Variants in KLHL26 observed in about 807,000 individuals in gnomAD.
The protein encoded by KLHL26 is kelch like family member 26, also known as kelch-like protein 26.
Under a neutral mutation model 7.1 loss-of-function variants are expected in KLHL26, and 4 were observed. The ratio of observed to expected loss-of-function variants is 0.56; its 90% CI spans 0.28 to 1.28. The LOEUF is 1.28. Ranked by LOEUF, KLHL26 falls within the 50% of genes most tolerant of loss-of-function variation. The probability of loss-of-function intolerance (pLI) is 0.11; values close to 1 mark genes in which losing one functional copy is unlikely to be tolerated. For missense variants in KLHL26, 896 were observed against 924.6 expected (o/e 0.97, Z 0.40); for synonymous variants, 465 against 414.1 (o/e 1.12, Z -1.49).
intron 1 of KLHL26, among the ~76,000 whole-genome samples, chr19:18,643,989 A>G (rs1976759522): frequency 6.6e-6 from 1 of 152,202 alleles, no homozygotes; most frequent in African/African-American, 2.4e-5. Flanking sequence ...ACATTCACAG[A>G]ATTGTGCAAC....
chr19:18,639,291 G>A (rs751271099), intron 1 of KLHL26, among the ~76,000 whole-genome samples: 1 of 151,672 alleles, frequency 6.6e-6, no homozygotes, highest in Non-Finnish European at 1.5e-5. Flanking sequence ...GGCCAGGCAG[G>A]TCTGGCATTC....
chr19:18,639,403 GTTT>G (rs34034254), intron 1 of KLHL26, among the ~76,000 whole-genome samples: 1 of 71,228 alleles, frequency 1.4e-5, no homozygotes, highest in African/African-American at 5.8e-5. Context: ...TTATCATTAA[GTTT>G]TTTTTTTTTT....
intron 2 of KLHL26, chr19:18,667,265 C>T (rs1272434418): frequency 3.6e-6 from 1 of 279,472 alleles, no homozygotes; most frequent in Non-Finnish European, 7.0e-6. Context: ...GAACTCCTGA[C>T]ATCAGGTGAT....
rs570612464 is a variant in KLHL26, at chr19:18,646,418, G to C, written c.83+9281G>C. Reference sequence around the variant, plus strand: ...ATTACAGGCATGAGCCAGTGCGCCCGGCCTCATGCCCCTTTCAGAAGGAGG... The same window carrying C: ...ATTACAGGCATGAGCCAGTGCGCCCCGCCTCATGCCCCTTTCAGAAGGAGG... On this transcript the variant is annotated intron_variant, in intron 1 of 2. Transcript: ENST00000300976. The surrounding 1 kb of genome is among the most constrained non-coding windows in gnomAD (Gnocchi z 5.0). Among the ~76,000 whole-genome samples the C allele has an allele frequency of 6.6e-6, 1 of 152,166 alleles. No homozygotes were observed. The highest frequency in any genetic ancestry group is 6.5e-5 in the Admixed American group (1 of 15,278).
chr19:18,667,801 A>G lies in KLHL26; in HGVS notation c.404A>G (p.Asp135Gly), dbSNP rs1484876656. ...ACACTGGACCTGGACTGCGTGCAGG[A>G]CGTGCTGGGCGCGGCCGTGTTCTTG... ...EVTLDLDCVQDVLGAAVFLQM... is the reference protein window; with the variant it reads ...EVTLDLDCVQGVLGAAVFLQM... The change falls in exon 3 of 3, where the codon GAC (aspartate) becomes GGC (glycine). Residue 135 changes from aspartate to glycine, a missense_variant. Physicochemically the swap from Asp to Gly is moderately conservative, Grantham distance 94 (BLOSUM62 -1). Transcript: ENST00000300976. 3.7e-6 allele frequency: 6 copies of G among 1,613,296 alleles called. No individual in the cohort carries two copies. Among genetic ancestry groups the G allele is most frequent in the Non-Finnish European group, 5.1e-6 (6 of 1,179,988 alleles).
chr19:18,665,714 T>A (rs2145408968), intron 2 of KLHL26, among the ~76,000 whole-genome samples: 1 of 151,642 alleles, frequency 6.6e-6, no homozygotes, highest in East Asian at 1.9e-4. Context: ...GGGTGGGGGG[T>A]GCTTTCTCCT....
Position 18,649,176 on chromosome 19 carries a change from A to G in KLHL26, c.83+12039A>G, listed in dbSNP as rs1976856906. ...CCACTGCTCGCCCTGTCGTCATGGT[A>G]CATTCTCTGCTTGAGGACCCATGTC... On this transcript the variant is annotated intron_variant, in intron 1 of 2. Coordinates refer to ENST00000300976, the MANE Select transcript of KLHL26 (RefSeq NM_018316.3). The surrounding 1 kb of genome is among the most constrained non-coding windows in gnomAD (Gnocchi z 4.0). Among the ~76,000 whole-genome samples, 1 of 152,176 alleles carries G rather than the reference A, an allele frequency of 6.6e-6. No individual in the cohort carries two copies. The highest frequency in any genetic ancestry group is 1.5e-5 in the Non-Finnish European group (1 of 68,042).
chr19:18,650,463 C>T lies in KLHL26; in HGVS notation c.83+13326C>T, dbSNP rs1355016904. On this transcript the variant is annotated intron_variant, in intron 1 of 2. Transcript: ENST00000300976. This position sits in a 1 kb window ranked among gnomAD's most constrained non-coding sequence, Gnocchi z 4.2. Reference sequence around the variant, plus strand: ...CTGAAAAACTTCCAGGACTGAAGTTCGAGTTGGAAGCACGCGTTCTCCTTG... The same window carrying T: ...CTGAAAAACTTCCAGGACTGAAGTTTGAGTTGGAAGCACGCGTTCTCCTTG... Among the ~76,000 whole-genome samples the T allele has an allele frequency of 2.0e-5, 3 of 152,116 alleles. No homozygotes were observed. The highest frequency in any genetic ancestry group is 6.5e-5 in the Admixed American group (1 of 15,272).
At chr19:18,653,401 C>T (rs1038900722) in intron 1 of KLHL26, among the ~76,000 whole-genome samples, 1 of 139,356 alleles carries the variant, frequency 7.2e-6, no homozygotes, top group African/African-American at 2.7e-5. Context: ...CACCCACCCA[C>T]CTGCCCCTAT....
chr19:18,669,055 G>T lies in KLHL26; in HGVS notation c.1658G>T (p.Gly553Val). 6.2e-7 allele frequency: 1 copy of T among 1,612,802 alleles called. No individual in the cohort carries two copies. The highest frequency in any genetic ancestry group is 8.5e-7 in the Non-Finnish European group (1 of 1,179,904). The part of the protein sequence containing the change: ...SPMRAGQSEA[G>V]CCLLERKIYI... ...ATGCGGGCCGGCCAGTCAGAGGCCG[G>T]CTGCTGCCTGCTGGAGAGGAAGATC... is the stretch of plus-strand genomic sequence containing the variant. Residue 553 changes from glycine to valine, a missense_variant, in exon 3 of 3, where the codon GGC becomes GTC. Gly to Val is a moderately radical substitution (Grantham distance 109). Coordinates refer to ENST00000300976, the MANE Select transcript of KLHL26 (RefSeq NM_018316.3).
At position 18,669,499 on chromosome 19, in the gene KLHL26, G is replaced by T; in HGVS notation, c.*254G>T. ...TGGTGGCAGCAAATTCGTCCCCGGG[G>T]TGGTTTCCTCGCCTGGCCCCCGAGT... On this transcript the variant is annotated 3_prime_UTR_variant, in exon 3 of 3. Coordinates refer to ENST00000300976, the MANE Select transcript of KLHL26 (RefSeq NM_018316.3). 1 of 573,110 alleles carries T rather than the reference G, an allele frequency of 1.7e-6. No homozygotes were observed. The highest frequency in any genetic ancestry group is 3.1e-6 in the Non-Finnish European group (1 of 324,974). 35.5% of individuals were successfully genotyped at this position (573,110 alleles called of 1,614,324 possible).
intron 1 of KLHL26, among the ~76,000 whole-genome samples, chr19:18,643,093 A>G: frequency 6.6e-6 from 1 of 151,390 alleles, no homozygotes; most frequent in East Asian, 2.0e-4. Flanking sequence ...TGGCCTCCCA[A>G]AGTGTTGGGA....
At position 18,671,473 on chromosome 19, in the gene KLHL26, T is replaced by G. The variant is rs892336643; in HGVS notation, c.*2228T>G. On this transcript the variant is annotated 3_prime_UTR_variant, in exon 3 of 3. Coordinates refer to ENST00000300976, the MANE Select transcript of KLHL26 (RefSeq NM_018316.3). ...AGTGAGAAGCTTTGCCAGCTGCAAG[T>G]CCCCTGGATCAGCTCACACCTCAGA... The G allele has an allele frequency of 6.6e-6, 1 of 152,170 alleles. No homozygotes were observed. Among genetic ancestry groups the G allele is most frequent in the African/African-American group, 2.4e-5 (1 of 41,412 alleles). The allele number at this position is 152,170 out of a possible 1,614,324, so 9.4% of individuals were successfully genotyped here. A position where few individuals can be genotyped will look rare whatever the true frequency, so the allele number is the denominator to read the frequency against.
At position 18,669,053 on chromosome 19, in the gene KLHL26, C is replaced by T. The variant is rs747100013; in HGVS notation, c.1656C>T (p.Ala552=). 3.9e-5 allele frequency: 63 copies of T among 1,612,636 alleles called. No individual in the cohort carries two copies. The highest frequency in any genetic ancestry group is 8.3e-5 in the Admixed American group (5 of 59,996). Residue 552 remains alanine, a synonymous_variant, in exon 3 of 3, where the codon GCC becomes GCT. Transcript: ENST00000300976. Reference sequence around the variant, plus strand: ...CCATGCGGGCCGGCCAGTCAGAGGCCGGCTGCTGCCTGCTGGAGAGGAAGA... The same window carrying T: ...CCATGCGGGCCGGCCAGTCAGAGGCTGGCTGCTGCCTGCTGGAGAGGAAGA... The part of the protein sequence containing the change: ...VSPMRAGQSE[A]GCCLLERKIY...
chr19:18,660,294 C>G (rs1441736589), intron 1 of KLHL26, among the ~76,000 whole-genome samples: 3 of 152,222 alleles, frequency 2.0e-5, no homozygotes, highest in Admixed American at 6.5e-5. Flanking sequence ...AGAATGGCCC[C>G]TAGCCCGGGC....
chr19:18,653,365 C>T (rs892877193), intron 1 of KLHL26, among the ~76,000 whole-genome samples: 9 of 143,040 alleles, frequency 6.3e-5, no homozygotes, highest in African/African-American at 2.3e-4. Context: ...TGTCCATCCA[C>T]CCCACCACCC....
intron 1 of KLHL26, among the ~76,000 whole-genome samples, chr19:18,641,584 G>T (rs1053720522): frequency 6.7e-6 from 1 of 150,014 alleles, no homozygotes; most frequent in Non-Finnish European, 1.5e-5. Flanking sequence ...CTCCCAAAGT[G>T]CTGGGATTAG....
rs1472346103 is a variant in KLHL26 at position 18,671,112 on chromosome 19, G to C, written c.*1867G>C. 1.3e-5 allele frequency: 2 copies of C among 152,230 alleles called. No individual in the cohort carries two copies. The allele number at this position is 152,230 out of a possible 1,614,324, so 9.4% of individuals were successfully genotyped here. ...CAGAGCAGGCCACTTATCAGTTGCA[G>C]GTTAGCAGAGAAAGCCTGATGTTCC... On this transcript the variant is annotated 3_prime_UTR_variant, in exon 3 of 3. Coordinates refer to ENST00000300976, the MANE Select transcript of KLHL26 (RefSeq NM_018316.3).
chr19:18,658,024 T>C (rs2052351888), intron 1 of KLHL26, among the ~76,000 whole-genome samples: 1 of 129,694 alleles, frequency 7.7e-6, no homozygotes, highest in South Asian at 2.6e-4. Context: ...CTTTGTGGAA[T>C]GGGTGGGACC....
Sources: gnomAD v4.1 joint callset for allele counts (sites outside exome capture counted in the v4.1 genomes callset) on GRCh38, gnomAD v4.1.1 for gene constraint, Gnocchi (gnomAD v3.1) non-coding constraint, MANE v1.5 for transcripts, NCBI Gene and HGNC (gene_info 2026-07-23, HGNC 2026-07-21) for gene names.